RAPGEF1: variants seen among roughly 807,000 people sequenced by gnomAD.
The protein encoded by RAPGEF1 is CRK SH3-binding GNRP.
In RAPGEF1, 33 loss-of-function variants were observed where a neutral mutation model predicts 143.3. That is an observed-to-expected ratio of 0.23 (90% CI 0.17 to 0.31). RAPGEF1 has a LOEUF of 0.31. Ranked by LOEUF, RAPGEF1 falls within the 10% of genes least tolerant of loss-of-function variation. The pLI, the probability that RAPGEF1 is intolerant of heterozygous loss-of-function variation, is 1.00. For missense variants in RAPGEF1, 1,199 were observed against 1,645.4 expected (o/e 0.73, Z 4.69); for synonymous variants, 629 against 676.5 (o/e 0.93, Z 1.09).
chr9:131,634,956 A>C (rs1965964328), intron 5 of RAPGEF1, among the ~76,000 whole-genome samples: 1 of 152,020 alleles, frequency 6.6e-6, no homozygotes, highest in Non-Finnish European at 1.5e-5. Flanking sequence ...AAAAACATTG[A>C]GGGTCTTTAA....
intron 24 of RAPGEF1, among the ~76,000 whole-genome samples, chr9:131,582,972 C>T (rs541058422): frequency 6.6e-6 from 1 of 152,208 alleles, no homozygotes; most frequent in Non-Finnish European, 1.5e-5. Context: ...ACTCATTGTG[C>T]CTGGGCAGCC....
At chr9:131,672,242 G>A (rs748923492) in intron 1 of RAPGEF1, among the ~76,000 whole-genome samples, 9 of 152,182 alleles carry the variant, frequency 5.9e-5, no homozygotes, top group African/African-American at 1.2e-4. Flanking sequence ...GGTAAGAAAC[G>A]TATTTTATAT....
At chr9:131,607,365 A>G (rs183597502) in intron 12 of RAPGEF1, among the ~76,000 whole-genome samples, 20 of 152,224 alleles carry the variant, frequency 1.3e-4, no homozygotes, top group African/African-American at 4.3e-4. Context: ...CAACACTTCA[A>G]CGTTTCACAG....
In RAPGEF1 at chr9:131,585,467, C is replaced by T. The variant is rs145656281; in HGVS notation, c.3234-871G>A. Among the ~76,000 whole-genome samples the T allele has an allele frequency of 2.9e-3, 438 of 152,338 alleles. 2 individuals are homozygous for T. The highest frequency in any genetic ancestry group is 0.01 in the African/African-American group (419 of 41,578). On this transcript the variant is annotated intron_variant, in intron 22 of 26. Transcript: ENST00000683357. ...AAGTCCTGGGATTATAGATGTGAGC[C>T]ACTGCACTCGCACCTCTGTGCAGCC... is the stretch of plus-strand genomic sequence containing the variant.
chr9:131,686,604 AGACTTCCTT>A (rs369300633), intron 1 of RAPGEF1, among the ~76,000 whole-genome samples: 1 of 152,180 alleles, frequency 6.6e-6, no homozygotes, highest in African/African-American at 2.4e-5. Context: ...TTTCTCCCAC[AGACTTCCTT>A]GACCTCCTAG....
intron 15 of RAPGEF1, among the ~76,000 whole-genome samples, chr9:131,601,859 A>G (rs1369111443): frequency 6.6e-6 from 1 of 152,192 alleles, no homozygotes; most frequent in Admixed American, 6.5e-5. Flanking sequence ...GTGAGCTGCA[A>G]TTGTGCCACT....
At chr9:131,603,743 G>A (rs1328938343) in intron 14 of RAPGEF1, among the ~76,000 whole-genome samples, 2 of 152,154 alleles carry the variant, frequency 1.3e-5, no homozygotes, top group South Asian at 2.1e-4. Context: ...AGTGCCACAC[G>A]CACTGAAGCA....
Position 131,675,060 on chromosome 9 carries a change from G to A in RAPGEF1, c.62-24111C>T, listed in dbSNP as rs77508959. On this transcript the variant is annotated intron_variant, in intron 1 of 26. Coordinates refer to ENST00000683357, the MANE Select transcript of RAPGEF1 (RefSeq NM_001377935.1). The surrounding 1 kb of genome is among the most constrained non-coding windows in gnomAD (Gnocchi z 4.6). ...GGGAGGGAGCAGAGAGAAGGCGAGC[G>A]TCATAGCCCTTTCCACAGAGGGTGG... 1.5e-3 allele frequency among the ~76,000 whole-genome samples: 228 copies of A among 152,282 alleles called. 3 individuals carry two copies. In the East Asian group the frequency reaches 0.037, roughly 24 times the overall value.
intron 1 of RAPGEF1, among the ~76,000 whole-genome samples, chr9:131,704,851 C>T (rs1349153721): frequency 6.6e-6 from 1 of 152,152 alleles, no homozygotes; most frequent in Admixed American, 6.5e-5. Context: ...GATTATAAGC[C>T]TATTTCAGAG....
chr9:131,638,626 C>T lies in RAPGEF1; in HGVS notation c.651+9G>A. 1.2e-6 allele frequency: 2 copies of T among 1,613,922 alleles called. No individual in the cohort carries two copies. Among genetic ancestry groups the T allele is most frequent in the Non-Finnish European group, 1.7e-6 (2 of 1,179,798 alleles). On this transcript the variant is annotated intron_variant, in intron 5 of 26. Coordinates refer to ENST00000683357, the MANE Select transcript of RAPGEF1 (RefSeq NM_001377935.1). ...CCTGACTGGGACTGTCTGGAACCTG[C>T]ACCGGTACCTTCACTCCATCCAGCA...
intron 18 of RAPGEF1, among the ~76,000 whole-genome samples, chr9:131,590,797 T>C (rs1954091716): frequency 6.6e-6 from 1 of 152,218 alleles, no homozygotes; most frequent in Admixed American, 6.5e-5. Context: ...ATTTCCATGA[T>C]GGCTGAGCCA....
chr9:131,737,547 C>T, intron 1 of RAPGEF1: 1 of 1,605,412 alleles, frequency 6.2e-7, no homozygotes, highest in South Asian at 1.1e-5. Flanking sequence ...GGCCCAAGGA[C>T]AAACTATGCT....
chr9:131,640,508 A>C (rs946827915), intron 4 of RAPGEF1, among the ~76,000 whole-genome samples: 4 of 152,240 alleles, frequency 2.6e-5, no homozygotes, highest in Non-Finnish European at 5.9e-5. Flanking sequence ...TAAGAAAGGA[A>C]GGAAAGTTGA....
chr9:131,644,807 A>G (rs1969091868), intron 3 of RAPGEF1, among the ~76,000 whole-genome samples: 1 of 152,222 alleles, frequency 6.6e-6, no homozygotes, highest in Non-Finnish European at 1.5e-5. Flanking sequence ...CAATTAAAAA[A>G]ATAAAGTTTA....
chr9:131,608,814 C>T (rs1564515025), intron 12 of RAPGEF1, among the ~76,000 whole-genome samples: 2 of 152,280 alleles, frequency 1.3e-5, no homozygotes, highest in South Asian at 4.1e-4. Flanking sequence ...TTACAACAGG[C>T]CCCCATCTCT....
intron 25 of RAPGEF1, among the ~76,000 whole-genome samples, chr9:131,580,738 G>T (rs1046476368): frequency 8.5e-5 from 13 of 152,154 alleles, no homozygotes; most frequent in African/African-American, 2.7e-4. Flanking sequence ...AAACCAGGGG[G>T]CAGGGGCAGA....
chr9:131,580,427 G>C (rs756644255), intron 25 of RAPGEF1, 36 bp from the exon 26 acceptor site: 2 of 1,603,878 alleles, frequency 1.2e-6, no homozygotes, highest in Non-Finnish European at 8.5e-7. Flanking sequence ...TTACTGCTAC[G>C]GGGTTTGGAA....
rs140539831 is a variant in RAPGEF1, at chr9:131,660,737, C to A, written c.62-9788G>T. On this transcript the variant is annotated intron_variant, in intron 1 of 26. Transcript: ENST00000683357. ...CTGAATGCAGCCAGCACTGCCTGCC[C>A]CAGAGTGGGGCCCTGGATGGAGGCA... Among the ~76,000 whole-genome samples the A allele has an allele frequency of 2.6e-4, 39 of 152,282 alleles. 1 individual carries two copies. The East Asian group carries it at 7.5e-3, about 29-fold the overall frequency.
chr9:131,614,909 G>A (rs1958680789), intron 12 of RAPGEF1, among the ~76,000 whole-genome samples: 2 of 151,088 alleles, frequency 1.3e-5, no homozygotes, highest in Admixed American at 1.3e-4. Flanking sequence ...ACTTGGGTCT[G>A]CTAGCAGTTT....
Sources: allele counts gnomAD v4.1 joint callset (sites outside exome capture counted in the v4.1 genomes callset), GRCh38; gene constraint gnomAD v4.1.1; non-coding constraint Gnocchi (gnomAD v3.1); transcripts MANE v1.5; gene names NCBI Gene and HGNC (gene_info 2026-07-23, HGNC 2026-07-21).